Variants in NBEAL1 observed in about 807,000 individuals in gnomAD.
NBEAL1 encodes neurobeachin-like protein 1.
Under a neutral mutation model 351.3 loss-of-function variants are expected in NBEAL1, and 273 were observed. The observed-to-expected ratio is 0.78, with a 90% CI of 0.70 to 0.86. The LOEUF (loss-of-function observed/expected upper bound fraction) is 0.86, where lower values mean the gene tolerates loss of function less well. NBEAL1 is among the 40% of genes least tolerant of loss of function. The pLI is 0.00. For missense variants in NBEAL1, 2,961 were observed against 3,201.3 expected (o/e 0.92, Z 1.81); for synonymous variants, 1,050 against 1,086.4 (o/e 0.97, Z 0.66).
intron 36 of NBEAL1, 137 bp downstream of exon 36, chr2:203,157,962 CA>C: frequency 1.6e-6 from 1 of 624,802 alleles, no homozygotes; most frequent in South Asian, 3.8e-5. Context: ...AGGATTTTAT[CA>C]GTATTAACTG....
intron 10 of NBEAL1, among the ~76,000 whole-genome samples, chr2:203,090,824 G>A (rs2062050054): frequency 1.3e-5 from 2 of 152,112 alleles, no homozygotes; most frequent in Non-Finnish European, 2.9e-5. Context: ...CGGAGGCGGA[G>A]GTTGCAGTGA....
chr2:203,113,795 C>T lies in NBEAL1; in HGVS notation c.2506+477C>T, dbSNP rs150634243. On this transcript the variant is annotated intron_variant, in intron 17 of 55. Coordinates refer to ENST00000683969, the MANE Select transcript of NBEAL1 (RefSeq NM_001378026.1). ...GGTCTTTTCTCTGTGTGCATATGGA[C>T]GGAGAAAGAGATCTCCTGTGTCTCT... Among the ~76,000 whole-genome samples, 198 of 149,864 alleles carry T rather than the reference C, an allele frequency of 1.3e-3. No homozygotes were observed. The South Asian group carries it at 0.016, about 12-fold the overall frequency.
intron 47 of NBEAL1, 66 bp from the exon 48 acceptor site, chr2:203,197,236 G>C: frequency 1.1e-6 from 1 of 876,844 alleles, no homozygotes; most frequent in Non-Finnish European, 1.9e-6. Flanking sequence ...TAAAGAGACG[G>C]TTTTCAGTAA....
chr2:203,110,183 C>A lies in NBEAL1; in HGVS notation c.1983C>A (p.Ala661=). 6.4e-7 allele frequency: 1 copy of A among 1,552,732 alleles called. No individual in the cohort carries two copies. The highest frequency in any genetic ancestry group is 1.2e-5 in the South Asian group (1 of 84,074). Residue 661 remains alanine (A), a synonymous_variant, in exon 15 of 56, where the codon GCC becomes GCA. Coordinates refer to ENST00000683969, the MANE Select transcript of NBEAL1 (RefSeq NM_001378026.1). ...CAGGAAGTGGCATGGGTTTTGAAGC[C>A]TTTATTACCCATTCAGGTATGTTGG... ...FFTGSGMGFE[A]FITHSGMLVV...
intron 6 of NBEAL1, among the ~76,000 whole-genome samples, chr2:203,059,103 G>C (rs948353629): frequency 6.6e-6 from 1 of 151,844 alleles, no homozygotes; most frequent in Non-Finnish European, 1.5e-5. Flanking sequence ...GGCTTTTCAG[G>C]GTTCCCATGG....
At position 203,029,691 on chromosome 2, in the gene NBEAL1, C is replaced by CAA. The variant is rs11407531; in HGVS notation, c.52-12059_52-12058dup. On this transcript the variant is annotated intron_variant, in intron 2 of 55. Transcript: ENST00000683969. Reference sequence around the variant, plus strand: ...TGGGCAATAGAGTGAGACCCTGTCTCAAAAAAAAAAAAAAAAGCTAATAAA... The same window carrying CAA: ...TGGGCAATAGAGTGAGACCCTGTCTCAAAAAAAAAAAAAAAAAAGCTAATAAA... 7.5e-3 allele frequency among the ~76,000 whole-genome samples: 761 copies of CAA among 101,120 alleles called. 5 individuals are homozygous for CAA. The highest frequency in any genetic ancestry group is 0.016 in the Middle Eastern group (2 of 128). The allele number at this position is 101,120 out of a possible 152,430, so 66.3% of individuals were successfully genotyped here. A position where few individuals can be genotyped will look rare whatever the true frequency, so the allele number is the denominator to read the frequency against.
At chr2:203,157,866 G>A (rs528491184) in intron 36 of NBEAL1, 41 bp downstream of exon 36, 3 of 1,413,494 alleles carry the variant, frequency 2.1e-6, no homozygotes, top group Admixed American at 2.6e-5. Flanking sequence ...CTGAGAAAGG[G>A]GATTGCAAAA....
At chr2:203,216,159 A>G (rs572736808) in intron 55 of NBEAL1, among the ~76,000 whole-genome samples, 2 of 152,242 alleles carry the variant, frequency 1.3e-5, no homozygotes, top group Non-Finnish European at 2.9e-5. Flanking sequence ...TTTAATTACT[A>G]TTTGGTTAAT....
chr2:203,182,199 T>G (rs2064739757), intron 43 of NBEAL1: 1 of 152,178 alleles, frequency 6.6e-6, no homozygotes, highest in Non-Finnish European at 1.5e-5. Context: ...GTATGGTAGT[T>G]TCAGATAGTT....
chr2:203,144,519 C>G (rs1476851740), intron 31 of NBEAL1, 81 bp from the exon 32 acceptor site: 1 of 1,333,892 alleles, frequency 7.5e-7, no homozygotes, highest in African/African-American at 1.5e-5. Flanking sequence ...AATTCTGAAT[C>G]CACAGAGCCA....
At chr2:203,098,430 G>A (rs991158843) in intron 11 of NBEAL1, among the ~76,000 whole-genome samples, 5 of 152,042 alleles carry the variant, frequency 3.3e-5, no homozygotes, top group African/African-American at 1.2e-4. Flanking sequence ...CTGTATAAAT[G>A]TTAATCCCTC....
chr2:203,139,054 A>G (rs2063296844), intron 31 of NBEAL1, among the ~76,000 whole-genome samples: 1 of 152,086 alleles, frequency 6.6e-6, no homozygotes, highest in Non-Finnish European at 1.5e-5. Flanking sequence ...GCCTGTGTAG[A>G]CTGTTTATAT....
At chr2:203,149,184 C>T in intron 34 of NBEAL1, 36 bp downstream of exon 34, 2 of 1,507,940 alleles carry the variant, frequency 1.3e-6, no homozygotes, top group Non-Finnish European at 1.8e-6. Flanking sequence ...ACTCCTTTTT[C>T]TTTAGTACTC....
intron 10 of NBEAL1, among the ~76,000 whole-genome samples, chr2:203,087,234 A>G (rs955505989): frequency 6.6e-6 from 1 of 151,160 alleles, no homozygotes; most frequent in Non-Finnish European, 1.5e-5. Flanking sequence ...CTGGGATTAT[A>G]GGCACCCGCC....
rs182548431 is a variant in NBEAL1, at chr2:203,203,727, A to G, written c.7506+946A>G. Among the ~76,000 whole-genome samples, 390 of 151,468 alleles carry G rather than the reference A, an allele frequency of 2.6e-3. 1 individual carries two copies. Among genetic ancestry groups the G allele is most frequent in the African/African-American group, 8.8e-3 (365 of 41,300 alleles). On this transcript the variant is annotated intron_variant, in intron 51 of 55. Coordinates refer to ENST00000683969, the MANE Select transcript of NBEAL1 (RefSeq NM_001378026.1). Reference sequence around the variant, plus strand: ...TCTCAAAAAAAATTGTTTTCTTCTAATTTTTTTTGTTTTCTTATATTACAA... The same window carrying G: ...TCTCAAAAAAAATTGTTTTCTTCTAGTTTTTTTTGTTTTCTTATATTACAA...
At position 203,034,445 on chromosome 2, in the gene NBEAL1, C is replaced by G. The variant is rs541511217; in HGVS notation, c.52-7320C>G. Among the ~76,000 whole-genome samples, 119 of 146,566 alleles carry G rather than the reference C, an allele frequency of 8.1e-4. 3 individuals carry two copies. Among genetic ancestry groups the G allele is most frequent in the African/African-American group, 2.8e-3 (113 of 40,666 alleles). On this transcript the variant is annotated intron_variant, in intron 2 of 55. Coordinates refer to ENST00000683969, the MANE Select transcript of NBEAL1 (RefSeq NM_001378026.1). ...ATGCTGGGATCACCTGTGTGAGTCA[C>G]CACACCCGGCCATTTTTTTTTTTTT...
chr2:203,155,459 C>T (rs949572004), intron 35 of NBEAL1, among the ~76,000 whole-genome samples: 1 of 151,772 alleles, frequency 6.6e-6, no homozygotes, highest in African/African-American at 2.4e-5. Flanking sequence ...TTTTGTGAGA[C>T]AGGATATCTT....
In NBEAL1 at chr2:203,112,996, TTTG is replaced by T. The variant is rs2062607347; in HGVS notation, c.2203-16_2203-14del. On this transcript the variant is annotated splice_polypyrimidine_tract_variant and intron_variant, in intron 16 of 55. Transcript: ENST00000683969. ...ATATATGTTAATTAAAATTGTGTAA[TTTG>T]TTTGTTTGTTTTTAGCCCTTTACTT... 28 of 1,425,282 alleles carry T rather than the reference TTTG, an allele frequency of 2.0e-5. No homozygotes were observed. The highest frequency in any genetic ancestry group is 2.9e-5 in the African/African-American group (2 of 69,158). 88.3% of individuals were successfully genotyped at this position (1,425,282 alleles called of 1,614,324 possible).
At chr2:203,138,492 T>A in intron 30 of NBEAL1, 128 bp from the exon 31 acceptor site, 1 of 1,107,296 alleles carries the variant, frequency 9.0e-7, no homozygotes. Context: ...TTCTTTTGGC[T>A]TTTGTCAACT....
Sources: allele counts gnomAD v4.1 joint callset (sites outside exome capture counted in the v4.1 genomes callset), GRCh38; gene constraint gnomAD v4.1.1; transcripts MANE v1.5; gene names NCBI Gene and HGNC (gene_info 2026-07-23, HGNC 2026-07-21).